The following RRAD variants were observed in gnomAD, a reference collection of about 807,000 sequenced individuals.
The protein encoded by RRAD is RRAD, Ras related glycolysis inhibitor and calcium channel regulator.
A neutral mutation model predicts 24.7 loss-of-function variants in RRAD; 15 were observed. That is an observed-to-expected ratio of 0.61 (90% confidence interval 0.41 to 0.93). The LOEUF (loss-of-function observed/expected upper bound fraction) is 0.93. RRAD is among the 40% of genes least tolerant of loss of function. The pLI is 0.00. For missense variants in RRAD, 438 were observed against 452.2 expected, an observed-to-expected ratio of 0.97 and a Z score of 0.29; for synonymous variants, 180 against 189.8, an observed-to-expected ratio of 0.95 and a Z score of 0.43.
chr16:66,924,011 C>G lies in RRAD; in HGVS notation c.371-92G>C, dbSNP rs1382367922. 2.1e-6 allele frequency: 2 copies of G among 968,940 alleles called. No homozygotes were observed. The highest frequency in any genetic ancestry group is 2.4e-5 in the East Asian group (1 of 41,918). 60.0% of individuals were successfully genotyped at this position (968,940 alleles called of 1,614,324 possible). On this transcript the variant is annotated intron_variant, in intron 2 of 4. Coordinates refer to ENST00000299759, the MANE Select transcript of RRAD (RefSeq NM_004165.3). The surrounding 1 kb of genome is among the most constrained non-coding windows in gnomAD (Gnocchi z 4.2). ...TCTGGCCACACCCTCCAACTCTTCC[C>G]CAGAGCCCTCCTTACCCTCCACTCC... is the stretch of plus-strand genomic sequence containing the variant.
chr16:66,925,309 C>T lies in RRAD; in HGVS notation c.-16+100G>A. The T allele has an allele frequency of 1.0e-6, 1 of 966,214 alleles. No homozygotes were observed. Among genetic ancestry groups the T allele is most frequent in the Non-Finnish European group, 1.3e-6 (1 of 755,730 alleles). 59.9% of individuals were successfully genotyped at this position (966,214 alleles called of 1,614,324 possible). On this transcript the variant is annotated intron_variant, in intron 1 of 4. Transcript: ENST00000299759. This position sits in a 1 kb window ranked among gnomAD's most constrained non-coding sequence, Gnocchi z 5.2. ...CTCCGGCCGAGGTCCCGCCGCAGCC[C>T]TCCCCCAGCCCCCAGGTCGCGGCGC...
chr16:66,924,843 C>G lies in RRAD; in HGVS notation c.337G>C (p.Gly113Arg). 6.3e-7 allele frequency: 1 copy of G among 1,588,652 alleles called. No homozygotes were observed. The highest frequency in any genetic ancestry group is 8.5e-7 in the Non-Finnish European group (1 of 1,172,278). ...TCTGCTTCAGGCCCGTCCTCCACAC[C>G]GCCGAAGATGCGCGCCAGGGCGCTC... ...GKSALARIFG[G>R]VEDGPEAEAA... Residue 113 changes from glycine to arginine, a missense_variant, in exon 2 of 5, where the codon GGT (glycine) becomes CGT (arginine). Coordinates refer to ENST00000299759, the MANE Select transcript of RRAD (RefSeq NM_004165.3). The surrounding 1 kb of genome is among the most constrained non-coding windows in gnomAD (Gnocchi z 4.2).
rs550762575 is a variant in RRAD at position 66,921,952 on chromosome 16, G to A, written c.*124C>T. On this transcript the variant is annotated 3_prime_UTR_variant, in exon 5 of 5. Coordinates refer to ENST00000299759, the MANE Select transcript of RRAD (RefSeq NM_004165.3). ...TCTGTCCATGACCATGAGGTTGGGGGTGCCCGGCTGGCAGCTCCGAGGGAC... is the reference window on the plus strand; with the variant it reads ...TCTGTCCATGACCATGAGGTTGGGGATGCCCGGCTGGCAGCTCCGAGGGAC... The A allele has an allele frequency of 5.0e-6, 4 of 794,142 alleles. No homozygotes were observed. In the African/African-American group the frequency reaches 6.9e-5, roughly 14 times the overall value. 49.2% of individuals were successfully genotyped at this position (794,142 alleles called of 1,614,324 possible).
Position 66,924,909 on chromosome 16 carries a change from C to T in RRAD, c.271G>A (p.Val91Ile), listed in dbSNP as rs1320058276. The T allele has an allele frequency of 3.0e-5, 47 of 1,580,856 alleles. No individual in the cohort carries two copies. Among genetic ancestry groups the T allele is most frequent in the Non-Finnish European group, 4.0e-5 (47 of 1,168,728 alleles). Residue 91 changes from valine to isoleucine, a missense_variant, in exon 2 of 5, where the codon GTT becomes ATT. Physicochemically the swap from Val to Ile is conservative, Grantham distance 29. Coordinates refer to ENST00000299759, the MANE Select transcript of RRAD (RefSeq NM_004165.3). This position sits in a 1 kb window ranked among gnomAD's most constrained non-coding sequence, Gnocchi z 4.2. ...GCCCCCAGCAGCAGCACCTTGTAAA[C>T]GCTCTCGTCTGAGTCGCTGCCCCCT... ...SSGGSDSDESVYKVLLLGAPG... is the reference protein window; with the variant it reads ...SSGGSDSDESIYKVLLLGAPG...
rs979557063 is a variant in RRAD at position 66,925,058 on chromosome 16, G to T, written c.122C>A (p.Pro41Gln). 4 of 1,300,732 alleles carry T rather than the reference G, an allele frequency of 3.1e-6. No individual in the cohort carries two copies. Among genetic ancestry groups the T allele is most frequent in the African/African-American group, 3.1e-5 (2 of 65,012 alleles). The allele number at this position is 1,300,732 out of a possible 1,614,324, so 80.6% of individuals were successfully genotyped here. ...CGCCTGCAGGTCGCGCTCGTCCACC[G>T]GCATGCTGCGGCGGTGCAGCGGCGG... ...PAPPLHRRSM[P>Q]VDERDLQAAL... Residue 41 changes from proline (P) to glutamine (Q), a missense_variant, in exon 2 of 5, where the codon CCG (proline) becomes CAG (glutamine). By Grantham distance (76) the Pro-to-Gln change is moderately conservative. Transcript: ENST00000299759. This position sits in a 1 kb window ranked among gnomAD's most constrained non-coding sequence, Gnocchi z 5.2.
In RRAD at chr16:66,922,046, G is replaced by A. The variant is rs765723306; in HGVS notation, c.*30C>T. The A allele has an allele frequency of 8.9e-6, 14 of 1,577,592 alleles. No homozygotes were observed. The highest frequency in any genetic ancestry group is 4.5e-5 in the East Asian group (2 of 44,118). ...GGCCAGCCCACCAACCCTTCCGTTC[G>A]TCTCCCACCATAGTGGGAGCGGGTG... On this transcript the variant is annotated 3_prime_UTR_variant, in exon 5 of 5. Transcript: ENST00000299759.
Position 66,923,725 on chromosome 16 carries a change from AG to A in RRAD, c.445-6del. ...GGGCAACCAGCGGCCCCCGTCCTGG[AG>A]AACACACAACACACATCTGCCCAAC... On this transcript the variant is annotated splice_polypyrimidine_tract_variant and splice_region_variant and intron_variant, in intron 3 of 4. Transcript: ENST00000299759. The surrounding 1 kb of genome is among the most constrained non-coding windows in gnomAD (Gnocchi z 4.9). 4 of 1,614,052 alleles carry A rather than the reference AG, an allele frequency of 2.5e-6. No homozygotes were observed. Among genetic ancestry groups the A allele is most frequent in the Non-Finnish European group, 3.4e-6 (4 of 1,179,998 alleles).
At position 66,924,678 on chromosome 16, in the gene RRAD, AAATAATAAT is replaced by A. The variant is rs541356722; in HGVS notation, c.370+123_370+131del. 7.3e-6 allele frequency: 5 copies of A among 687,408 alleles called. No individual in the cohort carries two copies. The highest frequency in any genetic ancestry group is 7.8e-5 in the South Asian group (1 of 12,830). 42.6% of individuals were successfully genotyped at this position (687,408 alleles called of 1,614,324 possible). A position where few individuals can be genotyped will look rare whatever the true frequency, so the allele number is the denominator to read the frequency against. On this transcript the variant is annotated intron_variant, in intron 2 of 4. Coordinates refer to ENST00000299759, the MANE Select transcript of RRAD (RefSeq NM_004165.3). The surrounding 1 kb of genome is among the most constrained non-coding windows in gnomAD (Gnocchi z 4.2). ...GAAACTCTGTCTCAAAATAATAATA[AAATAATAAT>A]AATAATAATAATAACAACAACAACA...
In RRAD at chr16:66,924,049, T is replaced by C; in HGVS notation, c.371-130A>G. On this transcript the variant is annotated intron_variant, in intron 2 of 4. Coordinates refer to ENST00000299759, the MANE Select transcript of RRAD (RefSeq NM_004165.3). The surrounding 1 kb of genome is among the most constrained non-coding windows in gnomAD (Gnocchi z 4.2). Reference sequence around the variant, plus strand: ...TACCCTCCACTCCACTTGCAGATGCTGGTATGTGGCAACAGCAGTGCCAGG... The same window carrying C: ...TACCCTCCACTCCACTTGCAGATGCCGGTATGTGGCAACAGCAGTGCCAGG... 1.3e-6 allele frequency: 1 copy of C among 761,064 alleles called. No individual in the cohort carries two copies. Among genetic ancestry groups the C allele is most frequent in the South Asian group, 1.5e-5 (1 of 68,032 alleles). The allele number at this position is 761,064 out of a possible 1,614,324, so 47.1% of individuals were successfully genotyped here.
At chr16:66,922,393 G>T in intron 4 of RRAD, 40 bp from the exon 5 acceptor site, 1 of 1,547,326 alleles carries the variant, frequency 6.5e-7, no homozygotes, top group Non-Finnish European at 8.7e-7. Context: ...TAAACAAAGG[G>T]TGGGTGAATG....
In RRAD at chr16:66,924,495, A is replaced by G. The variant is rs1269187831; in HGVS notation, c.370+315T>C. On this transcript the variant is annotated intron_variant, in intron 2 of 4. Transcript: ENST00000299759. This position sits in a 1 kb window ranked among gnomAD's most constrained non-coding sequence, Gnocchi z 4.2. ...GCCTGGCCAACATGGTGAAACCCCAACTCTACTAAAAACACAAATATTAGC... is the reference window on the plus strand; with the variant it reads ...GCCTGGCCAACATGGTGAAACCCCAGCTCTACTAAAAACACAAATATTAGC... Among the ~76,000 whole-genome samples the G allele has an allele frequency of 1.3e-5, 2 of 151,802 alleles. No homozygotes were observed. The highest frequency in any genetic ancestry group is 1.5e-5 in the Non-Finnish European group (1 of 67,934).
Position 66,924,771 on chromosome 16 carries a change from C to T in RRAD, c.370+39G>A. ...CCGGTCTCAGCCCCTAGTCCTAGCC[C>T]CGGGATCGCCCCTCCCCTGAACAGC... On this transcript the variant is annotated intron_variant, in intron 2 of 4. Coordinates refer to ENST00000299759, the MANE Select transcript of RRAD (RefSeq NM_004165.3). This position sits in a 1 kb window ranked among gnomAD's most constrained non-coding sequence, Gnocchi z 4.2. The T allele has an allele frequency of 7.0e-7, 1 of 1,423,226 alleles. No homozygotes were observed. The highest frequency in any genetic ancestry group is 2.0e-5 in the Admixed American group (1 of 49,146). The allele number at this position is 1,423,226 out of a possible 1,614,324, so 88.2% of individuals were successfully genotyped here.
At position 66,922,281 on chromosome 16, in the gene RRAD, T is replaced by G; in HGVS notation, c.722A>C (p.Gln241Pro). The G allele has an allele frequency of 1.2e-6, 2 of 1,613,200 alleles. No homozygotes were observed. The highest frequency in any genetic ancestry group is 2.2e-5 in the East Asian group (1 of 44,834). Residue 241 changes from glutamine to proline, a missense_variant, in exon 5 of 5, where the codon CAG becomes CCG. By Grantham distance (76) the Gln-to-Pro change is moderately conservative (BLOSUM62 -1). Coordinates refer to ENST00000299759, the MANE Select transcript of RRAD (RefSeq NM_004165.3). ...GCGCACGACACCTTCAAACAGCGCC[T>G]GGACATTGTGGTGCAATGCCGCTGA... is the stretch of plus-strand genomic sequence containing the variant. Reference protein sequence around the residue: ...ETSAALHHNVQALFEGVVRQI... With the variant: ...ETSAALHHNVPALFEGVVRQI...
At position 66,923,534 on chromosome 16, in the gene RRAD, G is replaced by T. The variant is rs1962947060; in HGVS notation, c.631C>A (p.Arg211Ser). Residue 211 changes from arginine to serine, a missense_variant, in exon 4 of 5, where the codon CGT becomes AGT. Arg to Ser is a moderately radical substitution (Grantham distance 110). Coordinates refer to ENST00000299759, the MANE Select transcript of RRAD (RefSeq NM_004165.3). This position sits in a 1 kb window ranked among gnomAD's most constrained non-coding sequence, Gnocchi z 4.9. The part of the protein sequence containing the change: ...VGNKSDLVRS[R>S]EVSVDEGRAC... ...TACTCACCATCCACCGAGACCTCAC[G>T]AGAGCGCACCAGGTCGCTCTTGTTG... 4 of 1,608,358 alleles carry T rather than the reference G, an allele frequency of 2.5e-6. No individual in the cohort carries two copies. The highest frequency in any genetic ancestry group is 3.4e-6 in the Non-Finnish European group (4 of 1,179,632).
chr16:66,925,316 A>G lies in RRAD; in HGVS notation c.-16+93T>C. 1.1e-6 allele frequency: 1 copy of G among 922,822 alleles called. No homozygotes were observed. Among genetic ancestry groups the G allele is most frequent in the Non-Finnish European group, 1.4e-6 (1 of 716,114 alleles). The allele number at this position is 922,822 out of a possible 1,614,324, so 57.2% of individuals were successfully genotyped here. A position where few individuals can be genotyped will look rare whatever the true frequency, so the allele number is the denominator to read the frequency against. ...CGAGGTCCCGCCGCAGCCCTCCCCC[A>G]GCCCCCAGGTCGCGGCGCCCTCACC... On this transcript the variant is annotated intron_variant, in intron 1 of 4. Coordinates refer to ENST00000299759, the MANE Select transcript of RRAD (RefSeq NM_004165.3). The surrounding 1 kb of genome is among the most constrained non-coding windows in gnomAD (Gnocchi z 5.2).
chr16:66,923,950 G>A lies in RRAD; in HGVS notation c.371-31C>T. The A allele has an allele frequency of 6.3e-7, 1 of 1,594,978 alleles. No homozygotes were observed. Among genetic ancestry groups the A allele is most frequent in the Non-Finnish European group, 8.6e-7 (1 of 1,162,600 alleles). The stretch of plus-strand genomic sequence containing the variant: ...CAGAAGGCCAGTAGACAGGTTACCA[G>A]CTGGTTGTCAAAGCCGCTGCTGCCA... On this transcript the variant is annotated intron_variant, in intron 2 of 4. Coordinates refer to ENST00000299759, the MANE Select transcript of RRAD (RefSeq NM_004165.3). The surrounding 1 kb of genome is among the most constrained non-coding windows in gnomAD (Gnocchi z 4.9).
In RRAD at chr16:66,922,352, C is replaced by T; in HGVS notation, c.651G>A (p.Glu217=). 6.3e-7 allele frequency: 1 copy of T among 1,584,024 alleles called. No individual in the cohort carries two copies. Among genetic ancestry groups the T allele is most frequent in the South Asian group, 1.1e-5 (1 of 90,430 alleles). ...LVRSREVSVD[E]GRACAVVFDC... ...CAAAGACCACCGCGCAGGCCCGGCC[C>T]TCTGTGTGGGTGGGGAAAGGCAGGC... Residue 217 remains glutamate, a splice_region_variant and synonymous_variant, in exon 5 of 5, where the codon GAG becomes GAA. Coordinates refer to ENST00000299759, the MANE Select transcript of RRAD (RefSeq NM_004165.3).
At position 66,922,198 on chromosome 16, in the gene RRAD, G is replaced by A. The variant is rs564257226; in HGVS notation, c.805C>T (p.Arg269Trp). 3.0e-5 allele frequency: 49 copies of A among 1,614,216 alleles called. No individual in the cohort carries two copies. Among genetic ancestry groups the A allele is most frequent in the South Asian group, 2.6e-4 (24 of 91,082 alleles). ...TTTTTGCCAAGGCTCTCTCGCCTCC[G>A]GGTGCCTGCTTGCCGTCGTGCGTTG... Reference protein sequence around the residue: ...EANARRQAGTRRRESLGKKAK... With the variant: ...EANARRQAGTWRRESLGKKAK... The change falls in exon 5 of 5, where the codon CGG becomes TGG. Residue 269 changes from arginine (R) to tryptophan (W), a missense_variant. Arg to Trp is a moderately radical substitution (Grantham distance 101, BLOSUM62 -3). Transcript: ENST00000299759.
intron 4 of RRAD, 72 bp from the exon 5 acceptor site, chr16:66,922,425 C>G: frequency 6.9e-7 from 1 of 1,458,766 alleles, no homozygotes; most frequent in Non-Finnish European, 9.2e-7. Context: ...CCAACAGTGG[C>G]CACCCATGGA....
Sources: gnomAD v4.1 joint callset for allele counts (sites outside exome capture counted in the v4.1 genomes callset) on GRCh38, gnomAD v4.1.1 for gene constraint, Gnocchi (gnomAD v3.1) non-coding constraint, MANE v1.5 for transcripts, NCBI Gene and HGNC (gene_info 2026-07-23, HGNC 2026-07-21) for gene names.